The following EML4 variants were observed in gnomAD, a reference collection of about 807,000 sequenced individuals.
EML4 encodes echinoderm microtubule-associated protein-like 4.
In EML4, 72 loss-of-function variants were observed where a neutral mutation model predicts 129.0. The ratio of observed to expected loss-of-function variants is 0.56; its 90% confidence interval spans 0.46 to 0.68. EML4 has a LOEUF of 0.68. Ranked by LOEUF, EML4 falls within the 30% of genes least tolerant of loss-of-function variation. EML4 has a pLI of 0.00. For missense variants in EML4, 1,363 were observed against 1,190.6 expected (o/e 1.14, Z -2.13); for synonymous variants, 532 against 405.0 (o/e 1.31, Z -3.77).
At chr2:42,192,570 G>T (rs531254029) in intron 1 of EML4, among the ~76,000 whole-genome samples, 2 of 152,020 alleles carry the variant, frequency 1.3e-5, no homozygotes, top group African/African-American at 4.8e-5. Flanking sequence ...ACCATATTCT[G>T]ACCACTCCAG....
Position 42,280,984 on chromosome 2 carries a change from C to A in EML4, c.791+11C>A. ...CAAACTGGAGTGGGCGTATCCTTCT[C>A]TACCATGACAGCAAATTCATTTGCT... On this transcript the variant is annotated intron_variant, in intron 7 of 22. Coordinates refer to ENST00000318522, the MANE Select transcript of EML4 (RefSeq NM_019063.5). The A allele has an allele frequency of 6.4e-7, 1 of 1,560,542 alleles. No individual in the cohort carries two copies.
chr2:42,181,480 C>T (rs1159171704), intron 1 of EML4, among the ~76,000 whole-genome samples: 2 of 151,700 alleles, frequency 1.3e-5, no homozygotes, highest in Non-Finnish European at 2.9e-5. Context: ...TTGTATTTTT[C>T]GTAGGGATGG....
chr2:42,207,596 A>G (rs1219295878), intron 1 of EML4, among the ~76,000 whole-genome samples: 1 of 152,192 alleles, frequency 6.6e-6, no homozygotes, highest in Non-Finnish European at 1.5e-5. Context: ...CAGTTCTAAT[A>G]AATTTAGTTA....
rs558059230 is a variant in EML4, at chr2:42,217,563, A to G, written c.26-27942A>G. ...GCTGTGTTTGAATTATGTTATTTAC[A>G]TAATGCAGACTTAAACGTAGAGTTT... On this transcript the variant is annotated intron_variant, in intron 1 of 22. Transcript: ENST00000318522. Among the ~76,000 whole-genome samples the G allele has an allele frequency of 3.9e-5, 6 of 152,334 alleles. No homozygotes were observed. In the South Asian group the frequency reaches 1.2e-3, roughly 32 times the overall value.
chr2:42,213,507 G>A (rs972477269), intron 1 of EML4, among the ~76,000 whole-genome samples: 8 of 152,188 alleles, frequency 5.3e-5, no homozygotes, highest in Non-Finnish European at 1.0e-4. Flanking sequence ...AACTACATTA[G>A]GGTTAAGAAA....
At chr2:42,214,141 A>G (rs1354912288) in intron 1 of EML4, among the ~76,000 whole-genome samples, 4 of 152,182 alleles carry the variant, frequency 2.6e-5, no homozygotes, top group Admixed American at 2.0e-4. Context: ...TTCTCTGTTA[A>G]CTCTTTCTTA....
At chr2:42,327,271 A>C (rs1256456782) in intron 21 of EML4, among the ~76,000 whole-genome samples, 2 of 152,172 alleles carry the variant, frequency 1.3e-5, no homozygotes, top group Non-Finnish European at 2.9e-5. Context: ...GGCTGTTTCT[A>C]CTTTTCAGCT....
chr2:42,284,787 T>A, intron 9 of EML4, 84 bp downstream of exon 9: 1 of 1,017,792 alleles, frequency 9.8e-7, no homozygotes, highest in Non-Finnish European at 1.4e-6. Flanking sequence ...CACAACTCAT[T>A]TGTTTTATTC....
At chr2:42,257,607 G>A (rs1422606657) in intron 3 of EML4, among the ~76,000 whole-genome samples, 26 of 152,118 alleles carry the variant, frequency 1.7e-4, no homozygotes, top group Non-Finnish European at 7.4e-5. Flanking sequence ...AGGCTGAGGC[G>A]GGCGGATCAC....
chr2:42,295,598 AAG>A, intron 13 of EML4, 82 bp downstream of exon 13: 1 of 1,269,570 alleles, frequency 7.9e-7, no homozygotes. Context: ...CCAGGAGAGA[AAG>A]AGCTGCAGTG....
intron 1 of EML4, among the ~76,000 whole-genome samples, chr2:42,219,787 TAAG>T (rs1673446039): frequency 6.6e-6 from 1 of 150,916 alleles, no homozygotes; most frequent in Non-Finnish European, 1.5e-5. Flanking sequence ...TAGCCGGGCG[TAAG>T]GGGCGCATGT....
intron 18 of EML4, among the ~76,000 whole-genome samples, chr2:42,316,644 T>A (rs1030126880): frequency 1.3e-5 from 2 of 152,354 alleles, no homozygotes; most frequent in South Asian, 4.1e-4. Flanking sequence ...TTCTTGTTAT[T>A]AATGTAGCTT....
intron 1 of EML4, among the ~76,000 whole-genome samples, chr2:42,237,211 G>A (rs1390077688): frequency 1.3e-5 from 2 of 152,034 alleles, no homozygotes; most frequent in Non-Finnish European, 2.9e-5. Context: ...CTGGGATTGT[G>A]GGCATGAGCT....
At chr2:42,201,145 G>A (rs1446043888) in intron 1 of EML4, among the ~76,000 whole-genome samples, 3 of 152,098 alleles carry the variant, frequency 2.0e-5, no homozygotes, top group African/African-American at 4.8e-5. Context: ...GTTTTTGTTG[G>A]CTACATGCTA....
intron 6 of EML4, among the ~76,000 whole-genome samples, chr2:42,268,763 G>T (rs945903540): frequency 2.0e-5 from 3 of 152,132 alleles, no homozygotes; most frequent in Non-Finnish European, 4.4e-5. Flanking sequence ...TGGAAAATAA[G>T]TGTCACATGA....
intron 3 of EML4, among the ~76,000 whole-genome samples, chr2:42,259,577 CTG>C (rs1558549207): frequency 2.0e-5 from 3 of 152,022 alleles, no homozygotes; most frequent in African/African-American, 7.2e-5. Context: ...TCCTTGTTGA[CTG>C]TCTTTCATAA....
chr2:42,181,339 CCCAGA>C (rs1208695592), intron 1 of EML4, among the ~76,000 whole-genome samples: 1 of 152,058 alleles, frequency 6.6e-6, no homozygotes, highest in Non-Finnish European at 1.5e-5. Flanking sequence ...CACTCTATTG[CCCAGA>C]CTGGAGTGCA....
At chr2:42,216,036 C>T (rs1277169912) in intron 1 of EML4, among the ~76,000 whole-genome samples, 1 of 151,492 alleles carries the variant, frequency 6.6e-6, no homozygotes, top group Non-Finnish European at 1.5e-5. Context: ...TCTGCTGTCT[C>T]AGCCTCTTAA....
At chr2:42,236,073 T>C (rs1194550165) in intron 1 of EML4, among the ~76,000 whole-genome samples, 1 of 152,230 alleles carries the variant, frequency 6.6e-6, no homozygotes, top group Non-Finnish European at 1.5e-5. Context: ...TCCTCTGTCA[T>C]ACAACCATCA....
Sources: gnomAD v4.1 joint callset for allele counts (sites outside exome capture counted in the v4.1 genomes callset) on GRCh38, gnomAD v4.1.1 for gene constraint, MANE v1.5 for transcripts, NCBI Gene and HGNC (gene_info 2026-07-23, HGNC 2026-07-21) for gene names.